FRMD3: variants seen among roughly 807,000 people sequenced by gnomAD.
The protein encoded by FRMD3 is FERM domain-containing protein 3.
FRMD3 carries 33 observed loss-of-function variants against 70.2 expected under a neutral mutation model. That is an observed-to-expected ratio of 0.47 (90% CI 0.36 to 0.63). The LOEUF is 0.63. FRMD3 is among the 20% of genes least tolerant of loss of function. The probability of loss-of-function intolerance (pLI) is 0.00; values close to 1 mark genes in which losing one functional copy is unlikely to be tolerated. For missense variants in FRMD3, 632 were observed against 711.4 expected (o/e 0.89, Z 1.27); for synonymous variants, 279 against 255.9 (o/e 1.09, Z -0.86).
At chr9:83,583,617 A>C in the FRMD3 span, among the ~76,000 whole-genome samples, 1 of 152,138 alleles carries the variant, frequency 6.6e-6, no homozygotes, top group South Asian at 2.1e-4. Flanking sequence ...TTGTTGAAAA[A>C]AAAATTTTTG....
At chr9:83,414,079 C>T (rs1314547145) in intron 1 of FRMD3, among the ~76,000 whole-genome samples, 7 of 152,172 alleles carry the variant, frequency 4.6e-5, no homozygotes, top group East Asian at 1.9e-4. Context: ...CACACACACA[C>T]GAATTCGAGA....
At chr9:83,562,896 C>A in the FRMD3 span, among the ~76,000 whole-genome samples, 6 of 151,840 alleles carry the variant, frequency 4.0e-5, no homozygotes, top group South Asian at 6.3e-4. Context: ...CCAATGCCCC[C>A]CCCCCAGCAC....
At chr9:83,575,552 T>A in the FRMD3 span, among the ~76,000 whole-genome samples, 1 of 152,146 alleles carries the variant, frequency 6.6e-6, no homozygotes, top group Non-Finnish European at 1.5e-5. Flanking sequence ...ATTCTCCCAC[T>A]ATAAACTATG....
At chr9:83,374,934 T>C (rs1825095364) in intron 2 of FRMD3, among the ~76,000 whole-genome samples, 1 of 152,236 alleles carries the variant, frequency 6.6e-6, no homozygotes, top group Admixed American at 6.5e-5. Flanking sequence ...GCAATTGTTT[T>C]GCAGAGGAGA....
intron 1 of FRMD3, among the ~76,000 whole-genome samples, chr9:83,525,621 T>C (rs1045965786): frequency 2.0e-5 from 3 of 152,188 alleles, no homozygotes; most frequent in African/African-American, 7.2e-5. Flanking sequence ...AAGGGCAACT[T>C]CCCTAGAAAG....
chr9:83,513,831 G>T (rs1829392275), intron 1 of FRMD3, among the ~76,000 whole-genome samples: 2 of 152,120 alleles, frequency 1.3e-5, no homozygotes, highest in South Asian at 2.1e-4. Context: ...AGCAGGGTGA[G>T]GTGTCGCCTC....
intron 13 of FRMD3, among the ~76,000 whole-genome samples, chr9:83,269,219 T>C (rs147924812): frequency 1.4e-4 from 21 of 152,350 alleles, no homozygotes; most frequent in African/African-American, 4.6e-4. Context: ...GAAGGGAATA[T>C]AGATAAATCT....
At chr9:83,348,884 G>A (rs999970820) in intron 4 of FRMD3, among the ~76,000 whole-genome samples, 2 of 152,142 alleles carry the variant, frequency 1.3e-5, no homozygotes, top group Non-Finnish European at 2.9e-5. Flanking sequence ...TAACAAGGAA[G>A]CAAAATATCC....
At chr9:83,535,729 C>T (rs1464019877) in intron 1 of FRMD3, among the ~76,000 whole-genome samples, 1 of 152,106 alleles carries the variant, frequency 6.6e-6, no homozygotes, top group African/African-American at 2.4e-5. Flanking sequence ...AAATTGGACA[C>T]CCCTGCTCCA....
chr9:83,370,994 T>G (rs1468091552), intron 3 of FRMD3, among the ~76,000 whole-genome samples: 1 of 152,198 alleles, frequency 6.6e-6, no homozygotes, highest in Non-Finnish European at 1.5e-5. Flanking sequence ...TTCTCACAAG[T>G]TTTAAACTTC....
At chr9:83,251,549 G>T (rs1832429386) in intron 13 of FRMD3, among the ~76,000 whole-genome samples, 1 of 151,936 alleles carries the variant, frequency 6.6e-6, no homozygotes, top group African/African-American at 2.4e-5. Flanking sequence ...GCTTCAGAAG[G>T]TGGGTAATAA....
At position 83,343,558 on chromosome 9, in the gene FRMD3, A is replaced by G. The variant is rs560036015; in HGVS notation, c.375-271T>C. Among the ~76,000 whole-genome samples, 352 of 152,298 alleles carry G rather than the reference A, an allele frequency of 2.3e-3. 1 individual carries two copies. Among genetic ancestry groups the G allele is most frequent in the South Asian group, 4.8e-3 (23 of 4,828 alleles). ...CAAAGAGGCACGAGAAGAAATGAGG[A>G]AAGCCACAGGACCCAGTGGCCAGAG... On this transcript the variant is annotated intron_variant, in intron 4 of 13. Coordinates refer to ENST00000304195, the MANE Select transcript of FRMD3 (RefSeq NM_174938.6).
intron 13 of FRMD3, among the ~76,000 whole-genome samples, chr9:83,269,548 A>G (rs1833448138): frequency 6.6e-6 from 1 of 152,082 alleles, no homozygotes; most frequent in South Asian, 2.1e-4. Context: ...CTCTATTAAA[A>G]ATACAAAAAA....
upstream of FRMD3, among the ~76,000 whole-genome samples, chr9:83,540,925 T>A (rs1047883349): frequency 6.6e-6 from 1 of 152,226 alleles, no homozygotes; most frequent in Non-Finnish European, 1.5e-5. Context: ...CAAGATTTTA[T>A]AATTATCAGC....
intron 2 of FRMD3, among the ~76,000 whole-genome samples, chr9:83,379,809 G>T (rs781376578): frequency 6.6e-6 from 1 of 152,134 alleles, no homozygotes; most frequent in Non-Finnish European, 1.5e-5. Context: ...AGATGTGGTA[G>T]TATAAATACC....
At chr9:83,443,627 A>G (rs1827371475) in intron 1 of FRMD3, among the ~76,000 whole-genome samples, 1 of 152,248 alleles carries the variant, frequency 6.6e-6, no homozygotes. Flanking sequence ...TTATAGTAGC[A>G]TGATTTATAA....
intron 3 of FRMD3, among the ~76,000 whole-genome samples, chr9:83,359,587 A>G (rs1824517885): frequency 6.6e-6 from 1 of 152,222 alleles, no homozygotes; most frequent in Non-Finnish European, 1.5e-5. Context: ...GTAGTAGAGA[A>G]GCAGCCACCA....
intron 13 of FRMD3, among the ~76,000 whole-genome samples, chr9:83,273,473 A>T (rs1401133576): frequency 6.6e-6 from 1 of 151,820 alleles, no homozygotes; most frequent in Non-Finnish European, 1.5e-5. Flanking sequence ...AATCTCAAGT[A>T]CCCAGGGACA....
At position 83,322,053 on chromosome 9, in the gene FRMD3, G is replaced by T. The variant is rs146433362; in HGVS notation, c.597-8306C>A. On this transcript the variant is annotated intron_variant, in intron 6 of 13. Transcript: ENST00000304195. ...ACTTGAACTCGGCCCACGGTGGAGT[G>T]CAGCCTAGTGTTAAACTCTCTAAAA... Among the ~76,000 whole-genome samples, 353 of 152,172 alleles carry T rather than the reference G, an allele frequency of 2.3e-3. 3 individuals are homozygous for T. Among genetic ancestry groups the T allele is most frequent in the East Asian group, 0.014 (72 of 5,162 alleles).
Sources: gnomAD v4.1 joint callset for allele counts (sites outside exome capture counted in the v4.1 genomes callset) on GRCh38, gnomAD v4.1.1 for gene constraint, MANE v1.5 for transcripts, NCBI Gene and HGNC (gene_info 2026-07-23, HGNC 2026-07-21) for gene names.